RRP1B: variants seen among roughly 807,000 people sequenced by gnomAD.
RRP1B encodes ribosomal RNA processing protein 1 homolog B.
RRP1B carries 56 observed loss-of-function variants against 80.2 expected under a neutral mutation model. That is an observed-to-expected ratio of 0.70 (90% CI 0.56 to 0.87). RRP1B has a LOEUF of 0.87. RRP1B is among the 40% of genes least tolerant of loss of function. The pLI is 0.00. For missense variants in RRP1B, 807 were observed against 939.8 expected, an observed-to-expected ratio of 0.86 and a Z score of 1.85; for synonymous variants, 351 against 357.6, an observed-to-expected ratio of 0.98 and a Z score of 0.21.
At chr21:43,682,890 T>C (rs976585613) in intron 8 of RRP1B, among the ~76,000 whole-genome samples, 9 of 152,246 alleles carry the variant, frequency 5.9e-5, no homozygotes, top group African/African-American at 1.9e-4. Context: ...TTTTTCTTTT[T>C]TTGAGACGGA....
chr21:43,674,993 G>A, intron 5 of RRP1B, 41 bp from the exon 6 acceptor site: 2 of 1,609,996 alleles, frequency 1.2e-6, no homozygotes, highest in Non-Finnish European at 1.7e-6. Context: ...GGGACGTGTT[G>A]GCATACTGTC....
intron 1 of RRP1B, among the ~76,000 whole-genome samples, chr21:43,663,413 C>T (rs1452872493): frequency 2.6e-5 from 4 of 152,188 alleles, no homozygotes; most frequent in Middle Eastern, 3.4e-3. Context: ...CCCACCACCA[C>T]GCCTGGCTAA....
chr21:43,680,316 T>C (rs925890951), intron 8 of RRP1B, among the ~76,000 whole-genome samples: 1 of 151,958 alleles, frequency 6.6e-6, no homozygotes, highest in South Asian at 2.1e-4. Flanking sequence ...TCCCAGCACT[T>C]TGGGAGGCGG....
Position 43,693,235 on chromosome 21 carries a change from C to A in RRP1B, c.2129C>A (p.Pro710His). The change falls in exon 16 of 16, where the codon CCT (proline) becomes CAT (histidine). Residue 710 changes from proline (P) to histidine (H), a missense_variant. Pro to His is a moderately conservative substitution (Grantham distance 77). Transcript: ENST00000340648. This position sits in a 1 kb window ranked among gnomAD's most constrained non-coding sequence, Gnocchi z 4.1. ...DKSILVSPTG[P>H]SRVAFDPEQK... The stretch of plus-strand genomic sequence containing the variant: ...AGTATCTTGGTCAGTCCCACGGGCC[C>A]TTCTCGAGTGGCCTTCGACCCTGAA... The A allele has an allele frequency of 3.1e-6, 5 of 1,614,102 alleles. No individual in the cohort carries two copies. The highest frequency in any genetic ancestry group is 4.2e-6 in the Non-Finnish European group (5 of 1,180,032).
rs1601760255 is a variant in RRP1B, at chr21:43,686,622, AG to A, written c.1010-181del. The stretch of plus-strand genomic sequence containing the variant: ...GTGATCCCTTGCCTTGCCTTGGTTG[AG>A]AAATCCACAAAGCTTTTTTAAGTCT... On this transcript the variant is annotated intron_variant, in intron 11 of 15. Coordinates refer to ENST00000340648, the MANE Select transcript of RRP1B (RefSeq NM_015056.3). The A allele has an allele frequency of 4.1e-5, 27 of 651,000 alleles. No homozygotes were observed. In the East Asian group the frequency reaches 8.2e-4, roughly 20 times the overall value. The allele number at this position is 651,000 out of a possible 1,614,324, so 40.3% of individuals were successfully genotyped here.
intron 11 of RRP1B, 54 bp downstream of exon 11, chr21:43,685,843 A>T (rs946064511): frequency 1.2e-5 from 19 of 1,561,542 alleles, no homozygotes; most frequent in Admixed American, 1.9e-5. Flanking sequence ...TATGGACCCC[A>T]CTGGGGGCGT....
chr21:43,683,972 CAA>C (rs60372004), intron 9 of RRP1B, among the ~76,000 whole-genome samples: 7 of 89,000 alleles, frequency 7.9e-5, no homozygotes, highest in Admixed American at 1.3e-4. Flanking sequence ...GACTCTGGCT[CAA>C]AAAAAAAAAA....
intron 4 of RRP1B, among the ~76,000 whole-genome samples, chr21:43,674,242 C>T (rs1409569519): frequency 2.0e-5 from 3 of 152,166 alleles, no homozygotes; most frequent in East Asian, 1.9e-4. Flanking sequence ...CTGCGACCTC[C>T]GCCTCCTGGG....
chr21:43,693,452 T>A lies in RRP1B; in HGVS notation c.*69T>A. 7.3e-7 allele frequency: 1 copy of A among 1,369,566 alleles called. No homozygotes were observed. The highest frequency in any genetic ancestry group is 9.7e-7 in the Non-Finnish European group (1 of 1,035,568). 84.8% of individuals were successfully genotyped at this position (1,369,566 alleles called of 1,614,324 possible). ...GCGCTATAAATTATACCTTTAAGAA[T>A]GTGGGGCCTTTTTTATGATTTTGTA... On this transcript the variant is annotated 3_prime_UTR_variant, in exon 16 of 16. Transcript: ENST00000340648. The surrounding 1 kb of genome is among the most constrained non-coding windows in gnomAD (Gnocchi z 4.1).
At chr21:43,667,483 G>A (rs1174155228) in intron 1 of RRP1B, among the ~76,000 whole-genome samples, 1 of 152,158 alleles carries the variant, frequency 6.6e-6, no homozygotes, top group Non-Finnish European at 1.5e-5. Flanking sequence ...CAATGTTGTA[G>A]AGATTGGGTT....
At chr21:43,672,637 C>T (rs1020208437) in intron 3 of RRP1B, among the ~76,000 whole-genome samples, 13 of 152,198 alleles carry the variant, frequency 8.5e-5, no homozygotes, top group Non-Finnish European at 8.8e-5. Flanking sequence ...CCTGGAGAGC[C>T]AGATGCAGGG....
chr21:43,665,196 A>G (rs770136536), intron 1 of RRP1B, among the ~76,000 whole-genome samples: 1 of 152,272 alleles, frequency 6.6e-6, no homozygotes, highest in South Asian at 2.1e-4. Flanking sequence ...ACCCAATGGT[A>G]TACTTACAAA....
rs934452506 is a variant in RRP1B at position 43,691,725 on chromosome 21, GC to G, written c.2083+230del. 6.7e-6 allele frequency among the ~76,000 whole-genome samples: 1 copy of G among 149,968 alleles called. No individual in the cohort carries two copies. Among genetic ancestry groups the G allele is most frequent in the African/African-American group, 2.5e-5 (1 of 40,596 alleles). The stretch of plus-strand genomic sequence containing the variant: ...GAGATCTTGGCTCACTGCAACCTCC[GC>G]CCCCCCAGGTTCAAGCGATTCTCCT... On this transcript the variant is annotated intron_variant, in intron 15 of 15. Coordinates refer to ENST00000340648, the MANE Select transcript of RRP1B (RefSeq NM_015056.3). This position sits in a 1 kb window ranked among gnomAD's most constrained non-coding sequence, Gnocchi z 4.2.
At chr21:43,684,506 A>T (rs758225715) in intron 9 of RRP1B, 47 bp from the exon 10 acceptor site, 2 of 1,508,796 alleles carry the variant, frequency 1.3e-6, no homozygotes, top group South Asian at 2.2e-5. Flanking sequence ...CAAGTCAGGC[A>T]GTGTTGTTTG....
chr21:43,664,346 A>G (rs116422568), intron 1 of RRP1B, among the ~76,000 whole-genome samples: 5,645 of 149,354 alleles, frequency 0.038, 352 homozygotes, highest in African/African-American at 0.13. Flanking sequence ...AAAAAAAAAG[A>G]AAAAGAAAAA....
intron 1 of RRP1B, among the ~76,000 whole-genome samples, chr21:43,669,487 C>A (rs1229005516): frequency 6.6e-6 from 1 of 152,102 alleles, no homozygotes; most frequent in Non-Finnish European, 1.5e-5. Context: ...TGAGCAGGTC[C>A]CCCGCATCTC....
chr21:43,667,333 C>A (rs1039829807), intron 1 of RRP1B, among the ~76,000 whole-genome samples: 5 of 152,156 alleles, frequency 3.3e-5, no homozygotes, highest in African/African-American at 1.2e-4. Flanking sequence ...CTCAGGTCAT[C>A]CTCCCACTTC....
chr21:43,692,918 C>G (rs2083092887), intron 15 of RRP1B, among the ~76,000 whole-genome samples: 1 of 152,174 alleles, frequency 6.6e-6, no homozygotes, highest in African/African-American at 2.4e-5. Context: ...AATGTTCACC[C>G]TTCCAGGAGC....
rs926910216 is a variant in RRP1B at position 43,691,995 on chromosome 21, C to T, written c.2083+493C>T. The stretch of plus-strand genomic sequence containing the variant: ...GAAGGAAGCACCTATGTGTCTGTCC[C>T]TCATCCTCAAAGGGCTGTGAGTGGG... On this transcript the variant is annotated intron_variant, in intron 15 of 15. Coordinates refer to ENST00000340648, the MANE Select transcript of RRP1B (RefSeq NM_015056.3). This position sits in a 1 kb window ranked among gnomAD's most constrained non-coding sequence, Gnocchi z 4.2. 2.6e-5 allele frequency among the ~76,000 whole-genome samples: 4 copies of T among 152,154 alleles called. No homozygotes were observed. Among genetic ancestry groups the T allele is most frequent in the Non-Finnish European group, 5.9e-5 (4 of 68,024 alleles).
Sources: allele counts gnomAD v4.1 joint callset (sites outside exome capture counted in the v4.1 genomes callset), GRCh38; gene constraint gnomAD v4.1.1; non-coding constraint Gnocchi (gnomAD v3.1); transcripts MANE v1.5; gene names NCBI Gene and HGNC (gene_info 2026-07-23, HGNC 2026-07-21).